BRINP3: variants seen among roughly 807,000 people sequenced by gnomAD.
The protein encoded by BRINP3 is BMP/retinoic acid-inducible neural-specific protein 3.
In BRINP3, 19 loss-of-function variants were observed where a neutral mutation model predicts 71.0. The observed-to-expected ratio is 0.27, with a 90% CI of 0.19 to 0.39. The LOEUF is 0.39. Among genes scored for constraint, BRINP3 ranks in the 10% least tolerant of loss-of-function variants. The pLI, the probability that BRINP3 is intolerant of heterozygous loss-of-function variation, is 1.00. For missense variants in BRINP3, 959 were observed against 940.8 expected, an observed-to-expected ratio of 1.02 and a Z score of -0.25; for synonymous variants, 380 against 337.7, an observed-to-expected ratio of 1.13 and a Z score of -1.37.
At chr1:190,277,124 T>TATATATATCTATATA (rs1317037411) in intron 3 of BRINP3, among the ~76,000 whole-genome samples, 1 of 132,752 alleles carries the variant, frequency 7.5e-6, no homozygotes, top group Non-Finnish European at 1.7e-5. Flanking sequence ...TATATTTATA[T>TATATATATCTATATA]TCAGAAAAGA....
chr1:190,219,633 A>C (rs566521844), intron 6 of BRINP3, among the ~76,000 whole-genome samples: 5 of 151,808 alleles, frequency 3.3e-5, no homozygotes, highest in African/African-American at 4.8e-5. Context: ...AGGTCAAGAG[A>C]TCGAGACCAT....
intron 7 of BRINP3, among the ~76,000 whole-genome samples, chr1:190,116,895 T>A (rs1185471521): frequency 6.6e-6 from 1 of 152,148 alleles, no homozygotes; most frequent in East Asian, 1.9e-4. Flanking sequence ...TACATCACTG[T>A]CAAATACAGG....
chr1:190,323,506 C>CTGT (rs1402784985), intron 2 of BRINP3, among the ~76,000 whole-genome samples: 1 of 151,054 alleles, frequency 6.6e-6, no homozygotes, highest in African/African-American at 2.4e-5. Context: ...TGCATTGTAC[C>CTGT]TGTTTAATTT....
At chr1:190,126,467 A>G (rs1344642496) in intron 7 of BRINP3, among the ~76,000 whole-genome samples, 1 of 151,860 alleles carries the variant, frequency 6.6e-6, no homozygotes, top group East Asian at 1.9e-4. Context: ...CTGTTAAAAT[A>G]CCTGTATCAT....
chr1:190,176,015 T>C (rs1443589798), intron 6 of BRINP3, among the ~76,000 whole-genome samples: 5 of 152,190 alleles, frequency 3.3e-5, no homozygotes, highest in African/African-American at 1.2e-4. Context: ...TTGTTTTGTT[T>C]TACTGCCTCA....
In BRINP3 at chr1:190,171,896, C is replaced by CAGA. The variant is rs569603782; in HGVS notation, c.962-11009_962-11007dup. Among the ~76,000 whole-genome samples, 20 of 151,870 alleles carry CAGA rather than the reference C, an allele frequency of 1.3e-4. No homozygotes were observed. The South Asian group carries it at 4.0e-3, about 30-fold the overall frequency. Reference sequence around the variant, plus strand: ...CCAAGGCAGGAGAATTGCTTGACACCAGAAGTTTGAGACCAGCCGGCGAAG... The same window carrying CAGA: ...CCAAGGCAGGAGAATTGCTTGACACCAGAAGAAGTTTGAGACCAGCCGGCGAAG... On this transcript the variant is annotated intron_variant, in intron 6 of 7. Transcript: ENST00000367462.
At chr1:190,283,436 T>G (rs1159638577) in intron 2 of BRINP3, among the ~76,000 whole-genome samples, 1 of 151,854 alleles carries the variant, frequency 6.6e-6, no homozygotes, top group Non-Finnish European at 1.5e-5. Flanking sequence ...GTCTTTCAGA[T>G]CTCTTCAAAG....
chr1:190,382,857 T>C (rs1459240220), intron 2 of BRINP3, among the ~76,000 whole-genome samples: 2 of 152,116 alleles, frequency 1.3e-5, no homozygotes, highest in African/African-American at 2.4e-5. Context: ...GCCCTGTAAA[T>C]GAACCACACC....
chr1:190,177,067 A>AT (rs1042487754), intron 6 of BRINP3, among the ~76,000 whole-genome samples: 14 of 136,992 alleles, frequency 1.0e-4, no homozygotes, highest in South Asian at 4.5e-4. Flanking sequence ...GAGCTGACAT[A>AT]TTTTTTTGCT....
chr1:190,128,958 T>C (rs1654310797), intron 7 of BRINP3, among the ~76,000 whole-genome samples: 1 of 151,774 alleles, frequency 6.6e-6, no homozygotes, highest in African/African-American at 2.4e-5. Flanking sequence ...TTTTAAAATC[T>C]TACAGATATG....
In BRINP3 at chr1:190,418,982, T is replaced by C. The variant is rs564280938; in HGVS notation, c.236+35673A>G. ...ACTATCCATATCATGCTTCCTAAAG[T>C]ATTTGTGTTTCTGATACTAAATGAT... On this transcript the variant is annotated intron_variant, in intron 2 of 7. Coordinates refer to ENST00000367462, the MANE Select transcript of BRINP3 (RefSeq NM_199051.3). Among the ~76,000 whole-genome samples, 15 of 152,236 alleles carry C rather than the reference T, an allele frequency of 9.9e-5. No homozygotes were observed. The East Asian group carries it at 2.9e-3, about 29-fold the overall frequency.
rs1160017752 is a variant in BRINP3 at position 190,429,049 on chromosome 1, A to T, written c.236+25606T>A. On this transcript the variant is annotated intron_variant, in intron 2 of 7. Transcript: ENST00000367462. ...CTATAAATCAGATGCTGCTTTAGCTACTTTACATTTACTCATTCAGTCAAC... is the reference window on the plus strand; with the variant it reads ...CTATAAATCAGATGCTGCTTTAGCTTCTTTACATTTACTCATTCAGTCAAC... Among the ~76,000 whole-genome samples the T allele has an allele frequency of 1.1e-4, 16 of 152,250 alleles. No individual in the cohort carries two copies. The East Asian group carries it at 3.1e-3, about 29-fold the overall frequency.
chr1:190,306,231 A>G (rs573526649), intron 2 of BRINP3, among the ~76,000 whole-genome samples: 147 of 151,976 alleles, frequency 9.7e-4, no homozygotes, highest in African/African-American at 3.3e-3. Flanking sequence ...GCTGTCCAAA[A>G]AAAAAAATTG....
At chr1:190,325,595 G>C (rs1025586479) in intron 2 of BRINP3, among the ~76,000 whole-genome samples, 4 of 151,940 alleles carry the variant, frequency 2.6e-5, no homozygotes, top group African/African-American at 9.7e-5. Context: ...CTCATCAAGG[G>C]TTGACAGAAA....
At chr1:190,445,407 A>G (rs1200290144) in intron 2 of BRINP3, among the ~76,000 whole-genome samples, 3 of 152,202 alleles carry the variant, frequency 2.0e-5, no homozygotes, top group Non-Finnish European at 2.9e-5. Flanking sequence ...AAATATTGTC[A>G]GCATTGCTAT....
intron 3 of BRINP3, among the ~76,000 whole-genome samples, chr1:190,273,394 C>A (rs1443636224): frequency 6.6e-6 from 1 of 151,510 alleles, no homozygotes; most frequent in Non-Finnish European, 1.5e-5. Context: ...ATTCAACATT[C>A]TGAGTCTGTT....
chr1:190,419,402 C>A (rs935492699), intron 2 of BRINP3, among the ~76,000 whole-genome samples: 5 of 151,870 alleles, frequency 3.3e-5, no homozygotes, highest in African/African-American at 1.2e-4. Context: ...TTATTGGTCA[C>A]ATTTATCAAA....
At chr1:190,307,210 G>GT (rs903360539) in intron 2 of BRINP3, among the ~76,000 whole-genome samples, 11 of 126,110 alleles carry the variant, frequency 8.7e-5, no homozygotes, top group Non-Finnish European at 1.2e-4. Flanking sequence ...AATATTTTAA[G>GT]TTTTTTTTAA....
chr1:190,423,316 A>T (rs952808396), intron 2 of BRINP3, among the ~76,000 whole-genome samples: 6 of 151,768 alleles, frequency 4.0e-5, no homozygotes, highest in African/African-American at 9.7e-5. Context: ...CAATTTATTT[A>T]AAAAAATCAC....
Sources: allele counts gnomAD v4.1 joint callset (sites outside exome capture counted in the v4.1 genomes callset), GRCh38; gene constraint gnomAD v4.1.1; transcripts MANE v1.5; gene names NCBI Gene and HGNC (gene_info 2026-07-23, HGNC 2026-07-21).